Variants in HELZ observed in about 807,000 individuals in gnomAD.
HELZ encodes ATP-dependent RNA helicase with zinc finger domain.
A neutral mutation model predicts 218.2 loss-of-function variants in HELZ; 23 were observed. That is an observed-to-expected ratio of 0.11 (90% confidence interval 0.08 to 0.15). The LOEUF (loss-of-function observed/expected upper bound fraction) is 0.15, where lower values mean the gene tolerates loss of function less well. Ranked by LOEUF, HELZ falls within the 10% of genes least tolerant of loss-of-function variation. The probability of loss-of-function intolerance (pLI) is 1.00; values close to 1 mark genes in which losing one functional copy is unlikely to be tolerated. For synonymous variants in HELZ, 814 were observed against 829.4 expected (o/e 0.98, Z 0.32); for missense variants, 1,813 against 2,353.7 (o/e 0.77, Z 4.75).
At chr17:67,220,047 C>T (rs1302251651) in intron 3 of HELZ, among the ~76,000 whole-genome samples, 1 of 152,206 alleles carries the variant, frequency 6.6e-6, no homozygotes, top group Non-Finnish European at 1.5e-5. Flanking sequence ...TTCTCTCTCT[C>T]CTGCTCCTCC....
chr17:67,244,753 C>G, intron 1 of HELZ: 3 of 983,734 alleles, frequency 3.0e-6, no homozygotes, highest in Non-Finnish European at 3.6e-6. Context: ...GGCCCGCACG[C>G]TCCCCACCCC....
chr17:67,136,083 T>A lies in HELZ; in HGVS notation c.3069A>T (p.Leu1023Phe). 1.2e-6 allele frequency: 2 copies of A among 1,613,936 alleles called. No homozygotes were observed. The change falls in exon 23 of 33, where the codon TTA (leucine) becomes TTT (phenylalanine). Residue 1023 changes from leucine (L) to phenylalanine (F), a missense_variant. Physicochemically the swap from Leu to Phe is conservative, Grantham distance 22 (BLOSUM62 0). Around this residue, in one of 4 missense-constraint regions of HELZ, gnomAD observed 156 missense variants for 274.4 expected, o/e 0.57. Transcript: ENST00000358691. ...TGTAGTTAGATAAAAAACCATAATC[T>A]AAGTCCTCTGTGGAATCTTCCAGAA... The part of the protein sequence containing the change: ...EQLLEDSTED[L>F]DYGFLSNYKL...
chr17:67,218,852 G>GT (rs762667140), intron 3 of HELZ, 30 bp from the exon 4 acceptor site: 2 of 1,524,604 alleles, frequency 1.3e-6, no homozygotes, highest in African/African-American at 2.7e-5. Context: ...ACAAGAGAAG[G>GT]TTTTTTAAAC....
intron 5 of HELZ, among the ~76,000 whole-genome samples, chr17:67,208,571 T>C (rs966987861): frequency 1.3e-5 from 2 of 151,946 alleles, no homozygotes; most frequent in Admixed American, 1.3e-4. Context: ...AGCTTATATA[T>C]ATATAAATTT....
intron 20 of HELZ, 49 bp downstream of exon 20, chr17:67,148,520 A>G: frequency 6.5e-7 from 1 of 1,549,376 alleles, no homozygotes; most frequent in Non-Finnish European, 8.8e-7. Context: ...GTTCCCTCCT[A>G]CTATCAGACC....
At chr17:67,122,865 T>TG in intron 26 of HELZ, 105 bp downstream of exon 26, 2 of 779,048 alleles carry the variant, frequency 2.6e-6, no homozygotes. Context: ...GCACTGAAAA[T>TG]TTTTTTTAAA....
At position 67,151,230 on chromosome 17, in the gene HELZ, A is replaced by G. The variant is rs1567844408; in HGVS notation, c.2178-6T>C. The G allele has an allele frequency of 1.3e-6, 2 of 1,594,030 alleles. No homozygotes were observed. The highest frequency in any genetic ancestry group is 1.7e-6 in the Non-Finnish European group (2 of 1,166,430). On this transcript the variant is annotated splice_polypyrimidine_tract_variant and splice_region_variant and intron_variant, in intron 17 of 32. Transcript: ENST00000358691. ...AGCGATTTCTGAAATATACCCTGGA[A>G]AAGAAGAAAATATTTCTGATTTACA... is the stretch of plus-strand genomic sequence containing the variant.
intron 10 of HELZ, 132 bp from the exon 11 acceptor site, chr17:67,189,828 T>G (rs2039848695): frequency 3.2e-6 from 2 of 634,256 alleles, no homozygotes; most frequent in South Asian, 4.2e-5. Context: ...TTTTATACCT[T>G]CATTTTCAGT....
At chr17:67,125,095 G>T (rs917661084) in intron 24 of HELZ, among the ~76,000 whole-genome samples, 1 of 151,208 alleles carries the variant, frequency 6.6e-6, no homozygotes, top group Non-Finnish European at 1.5e-5. Context: ...CTATCTAACT[G>T]TTGGAAAGAG....
intron 32 of HELZ, 24 bp from the exon 33 acceptor site, chr17:67,078,610 A>G: frequency 2.8e-6 from 4 of 1,434,666 alleles, no homozygotes; most frequent in Non-Finnish European, 3.7e-6. Context: ...ACAGTGACAC[A>G]GATTTAAGGA....
At position 67,188,745 on chromosome 17, in the gene HELZ, T is replaced by G; in HGVS notation, c.865-129A>C. 1.5e-6 allele frequency: 1 copy of G among 679,296 alleles called. No individual in the cohort carries two copies. Among genetic ancestry groups the G allele is most frequent in the Non-Finnish European group, 2.4e-6 (1 of 414,782 alleles). The allele number at this position is 679,296 out of a possible 1,614,324, so 42.1% of individuals were successfully genotyped here. A position where few individuals can be genotyped will look rare whatever the true frequency, so the allele number is the denominator to read the frequency against. ...CAAGCTTCTAAGATACTATAGCCATTTAAGAAAAAAATCAGAATGGTTTTT... is the reference window on the plus strand; with the variant it reads ...CAAGCTTCTAAGATACTATAGCCATGTAAGAAAAAAATCAGAATGGTTTTT... On this transcript the variant is annotated intron_variant, in intron 11 of 32. Transcript: ENST00000358691. This position sits in a 1 kb window ranked among gnomAD's most constrained non-coding sequence, Gnocchi z 4.1.
rs2038977203 is a variant in HELZ at position 67,160,913 on chromosome 17, G to A, written c.2059C>T (p.Gln687Ter). The A allele has an allele frequency of 6.2e-7, 1 of 1,605,140 alleles. No individual in the cohort carries two copies. Among genetic ancestry groups the A allele is most frequent in the Non-Finnish European group, 8.5e-7 (1 of 1,175,492 alleles). The change falls in exon 16 of 33, where the codon CAG (glutamine) becomes TAG (stop). Residue 687 changes from glutamine to a stop codon, truncating the protein, a stop_gained. Transcript: ENST00000358691. LOFTEE classifies it high-confidence loss of function. The part of the protein sequence containing the change: ...TLAQAVKHIL[Q>*]QQETRILICT... ...CCCTCTCACCTAGTCTCCTGTTGCT[G>A]CAGAATATGTTTGACAGCCTGAGCT...
intron 15 of HELZ, among the ~76,000 whole-genome samples, chr17:67,161,391 T>C (rs1466616861): frequency 1.3e-5 from 2 of 152,220 alleles, no homozygotes; most frequent in African/African-American, 4.8e-5. Flanking sequence ...ATGGCAATGT[T>C]TCAAAAATGT....
upstream of HELZ, chr17:67,245,362 G>C: frequency 1.4e-6 from 1 of 724,118 alleles, no homozygotes; most frequent in South Asian, 6.1e-5. Flanking sequence ...CCCTCCCCCG[G>C]GCTGACGGCA....
intron 6 of HELZ, 99 bp downstream of exon 6, chr17:67,203,220 A>G (rs72838452): frequency 0.039 from 49,832 of 1,286,960 alleles, 1,198 homozygotes; most frequent in East Asian, 0.093. Flanking sequence ...AGGAAGAACT[A>G]AAAGAAAAAA....
chr17:67,193,409 A>C (rs1017824027), intron 9 of HELZ, among the ~76,000 whole-genome samples: 7 of 151,910 alleles, frequency 4.6e-5, no homozygotes, highest in Non-Finnish European at 8.8e-5. Context: ...CCATAATAAT[A>C]CAACTGGTAT....
At position 67,120,427 on chromosome 17, in the gene HELZ, A is replaced by T. The variant is rs2037572372; in HGVS notation, c.3816T>A (p.Asp1272Glu). 4 of 1,614,070 alleles carry T rather than the reference A, an allele frequency of 2.5e-6. No individual in the cohort carries two copies. The highest frequency in any genetic ancestry group is 2.5e-6 in the Non-Finnish European group (3 of 1,179,992). ...GQPQNQHQEKDQHEQNRNGKS... is the reference protein window; with the variant it reads ...GQPQNQHQEKEQHEQNRNGKS... ...TACCATTTCGATTTTGCTCATGTTG[A>T]TCCTTCTCCTGATGCTGATTTTGTG... The change falls in exon 27 of 33, where the codon GAT (aspartate) becomes GAA (glutamate). Residue 1272 changes from aspartate to glutamate, a missense_variant. By Grantham distance (45) the Asp-to-Glu change is conservative (BLOSUM62 2). Coordinates refer to ENST00000358691, the MANE Select transcript of HELZ (RefSeq NM_014877.4).
At chr17:67,118,428 A>G (rs376366257) in intron 27 of HELZ, among the ~76,000 whole-genome samples, 2 of 152,192 alleles carry the variant, frequency 1.3e-5, no homozygotes, top group East Asian at 1.9e-4. Flanking sequence ...AGAAGAAAAC[A>G]TAAAAGAAGA....
chr17:67,167,438 G>C, intron 14 of HELZ, 25 bp downstream of exon 14: 6 of 1,537,650 alleles, frequency 3.9e-6, no homozygotes, highest in Non-Finnish European at 5.4e-6. Context: ...GACCACTATG[G>C]TTAAGCTGCA....
Sources: gnomAD v4.1 joint callset for allele counts (sites outside exome capture counted in the v4.1 genomes callset) on GRCh38, gnomAD v4.1.1 for gene constraint, gnomAD v4.1.1 regional missense constraint, Gnocchi (gnomAD v3.1) non-coding constraint, MANE v1.5 for transcripts, NCBI Gene and HGNC (gene_info 2026-07-23, HGNC 2026-07-21) for gene names.